Variants in PDE7B observed in about 807,000 individuals in gnomAD.
The protein encoded by PDE7B is phosphodiesterase 7B, also known as 3',5'-cyclic-AMP phosphodiesterase 7B.
A neutral mutation model predicts 56.2 loss-of-function variants in PDE7B; 29 were observed. The ratio of observed to expected loss-of-function variants is 0.52; its 90% confidence interval spans 0.38 to 0.70. The LOEUF (loss-of-function observed/expected upper bound fraction) is 0.70, where lower values mean the gene tolerates loss of function less well. PDE7B is among the 30% of genes least tolerant of loss of function. The pLI, the probability that PDE7B is intolerant of heterozygous loss-of-function variation, is 0.00. For synonymous variants in PDE7B, 197 were observed against 196.9 expected (o/e 1.00, Z 0.00); for missense variants, 490 against 565.0 (o/e 0.87, Z 1.35).
At chr6:135,957,583 G>C (rs1418439188) in intron 2 of PDE7B, among the ~76,000 whole-genome samples, 1 of 152,034 alleles carries the variant, frequency 6.6e-6, no homozygotes, top group African/African-American at 2.4e-5. Flanking sequence ...CCCTCTCCCT[G>C]GTATTGTACA....
intron 3 of PDE7B, among the ~76,000 whole-genome samples, chr6:136,111,776 T>C (rs187150641): frequency 3.9e-5 from 6 of 152,294 alleles, no homozygotes. Flanking sequence ...CTCATTCTTA[T>C]TCTACACTGT....
intron 11 of PDE7B, among the ~76,000 whole-genome samples, chr6:136,182,947 C>T (rs1779089901): frequency 6.6e-6 from 1 of 151,940 alleles, no homozygotes; most frequent in African/African-American, 2.4e-5. Context: ...GCGGCACAAC[C>T]TGTAGTCCCA....
intron 1 of PDE7B, among the ~76,000 whole-genome samples, chr6:135,868,631 C>G (rs1775311510): frequency 6.6e-6 from 1 of 152,080 alleles, no homozygotes; most frequent in Admixed American, 6.6e-5. Flanking sequence ...AGGATTTTGC[C>G]CTGTTGGCCA....
intron 2 of PDE7B, among the ~76,000 whole-genome samples, chr6:135,983,331 A>G (rs1249751198): frequency 6.6e-6 from 1 of 152,242 alleles, no homozygotes; most frequent in African/African-American, 2.4e-5. Flanking sequence ...AGACCTGTCC[A>G]TGTCCTAGCT....
Position 136,143,394 on chromosome 6 carries a change from G to C in PDE7B, c.167-3957G>C, listed in dbSNP as rs181644703. ...TAAAAAAAAAATGCAAGACAGGCTAGAGTCAGGGGAATGAGGCACTAGCCT... is the reference window on the plus strand; with the variant it reads ...TAAAAAAAAAATGCAAGACAGGCTACAGTCAGGGGAATGAGGCACTAGCCT... On this transcript the variant is annotated intron_variant, in intron 3 of 12. Coordinates refer to ENST00000308191, the MANE Select transcript of PDE7B (RefSeq NM_018945.4). 3.4e-4 allele frequency among the ~76,000 whole-genome samples: 51 copies of C among 151,898 alleles called. No individual in the cohort carries two copies. In the East Asian group the frequency reaches 9.1e-3, roughly 27 times the overall value.
chr6:135,926,085 T>TA (rs1774178124), intron 1 of PDE7B, among the ~76,000 whole-genome samples: 1 of 16,158 alleles, frequency 6.2e-5, no homozygotes, highest in African/African-American at 1.2e-4. Context: ...TTCTTTTTTT[T>TA]GGGGGGGGGG....
intron 3 of PDE7B, among the ~76,000 whole-genome samples, chr6:136,117,818 G>A (rs1420560323): frequency 6.6e-6 from 1 of 152,078 alleles, no homozygotes; most frequent in African/African-American, 2.4e-5. Flanking sequence ...ATAAAAATGA[G>A]TCCCTTCACA....
chr6:136,092,598 C>A (rs1204171537), intron 2 of PDE7B, among the ~76,000 whole-genome samples: 1 of 151,864 alleles, frequency 6.6e-6, no homozygotes, highest in Non-Finnish European at 1.5e-5. Context: ...ACAACTCTAC[C>A]AAAAACACAA....
At chr6:135,955,673 A>G (rs958150927) in intron 2 of PDE7B, among the ~76,000 whole-genome samples, 3 of 152,164 alleles carry the variant, frequency 2.0e-5, no homozygotes, top group Non-Finnish European at 4.4e-5. Context: ...GGAGGAGGAT[A>G]TCGCTGAAGA....
Position 136,194,753 on chromosome 6 carries a change from T to C in PDE7B, c.*2913T>C, listed in dbSNP as rs960078741. The C allele has an allele frequency of 1.3e-5, 2 of 152,318 alleles. No individual in the cohort carries two copies. The highest frequency in any genetic ancestry group is 4.8e-5 in the African/African-American group (2 of 41,458). 9.4% of individuals were successfully genotyped at this position (152,318 alleles called of 1,614,324 possible). ...TAAAAATACAAAAATTAGCTGGGCATGGCAGTGCGTGCCTGCAATCCCAGC... is the reference window on the plus strand; with the variant it reads ...TAAAAATACAAAAATTAGCTGGGCACGGCAGTGCGTGCCTGCAATCCCAGC... On this transcript the variant is annotated 3_prime_UTR_variant, in exon 13 of 13. Coordinates refer to ENST00000308191, the MANE Select transcript of PDE7B (RefSeq NM_018945.4).
chr6:135,983,356 A>T (rs1775326680), intron 2 of PDE7B, among the ~76,000 whole-genome samples: 1 of 152,216 alleles, frequency 6.6e-6, no homozygotes, highest in Admixed American at 6.5e-5. Context: ...TCATTCAGGT[A>T]ATATATGTGA....
intron 2 of PDE7B, among the ~76,000 whole-genome samples, chr6:136,050,203 A>G (rs1776600110): frequency 3.9e-5 from 6 of 152,366 alleles, no homozygotes; most frequent in Middle Eastern, 3.4e-3. Flanking sequence ...GTGATGCGTG[A>G]TGGCACTATA....
chr6:136,046,464 T>G (rs1245416289), intron 2 of PDE7B: 1 of 152,220 alleles, frequency 6.6e-6, no homozygotes, highest in Non-Finnish European at 1.5e-5. Flanking sequence ...ATAAATACCT[T>G]GCCACTCTTT....
At chr6:135,991,292 T>G (rs1343480320) in intron 2 of PDE7B, among the ~76,000 whole-genome samples, 1 of 152,190 alleles carries the variant, frequency 6.6e-6, no homozygotes, top group Non-Finnish European at 1.5e-5. Context: ...CTACTCAAGA[T>G]GGAGTTGTTC....
At chr6:136,046,088 A>G (rs1432705246) in intron 2 of PDE7B, among the ~76,000 whole-genome samples, 1 of 152,036 alleles carries the variant, frequency 6.6e-6, no homozygotes, top group African/African-American at 2.4e-5. Flanking sequence ...ACAGTCGTTC[A>G]TTCAAAGAAG....
chr6:136,074,936 A>G (rs1777107123), intron 2 of PDE7B, among the ~76,000 whole-genome samples: 1 of 152,214 alleles, frequency 6.6e-6, no homozygotes, highest in Non-Finnish European at 1.5e-5. Context: ...TCTTCTGAAT[A>G]TATACCTAGA....
chr6:136,159,798 A>G (rs142523623), intron 8 of PDE7B, among the ~76,000 whole-genome samples: 3 of 152,338 alleles, frequency 2.0e-5, no homozygotes, highest in African/African-American at 7.2e-5. Flanking sequence ...GTTTATCATC[A>G]TCATTTGAAG....
chr6:135,949,502 C>A (rs1774659065), intron 2 of PDE7B, among the ~76,000 whole-genome samples: 1 of 152,034 alleles, frequency 6.6e-6, no homozygotes, highest in South Asian at 2.1e-4. Flanking sequence ...TTATATAAAT[C>A]AGTTTTATGT....
chr6:135,982,173 A>C (rs920957567), intron 2 of PDE7B, among the ~76,000 whole-genome samples: 2 of 152,156 alleles, frequency 1.3e-5, no homozygotes, highest in Non-Finnish European at 2.9e-5. Flanking sequence ...TCTTAGTTTC[A>C]TGTATCAAGC....
Sources: allele counts gnomAD v4.1 joint callset (sites outside exome capture counted in the v4.1 genomes callset), GRCh38; gene constraint gnomAD v4.1.1; transcripts MANE v1.5; gene names NCBI Gene and HGNC (gene_info 2026-07-23, HGNC 2026-07-21).